Variants in C16orf89 observed in about 807,000 individuals in gnomAD.
C16orf89 encodes chromosome 16 open reading frame 89, also known as UPF0764 protein C16orf89.
In C16orf89, 57 loss-of-function variants were observed where a neutral mutation model predicts 41.5. The observed-to-expected ratio is 1.38, with a 90% CI of 1.11 to 1.71. The LOEUF is 1.71. C16orf89 is among the 40% of genes most tolerant of loss of function. The pLI, the probability that C16orf89 is intolerant of heterozygous loss-of-function variation, is 0.00. For missense variants in C16orf89, 575 were observed against 445.9 expected, an observed-to-expected ratio of 1.29 and a Z score of -2.61; for synonymous variants, 223 against 190.6, an observed-to-expected ratio of 1.17 and a Z score of -1.40.
intron 4 of C16orf89, 52 bp from the exon 5 acceptor site, chr16:5,056,240 C>T: frequency 6.6e-7 from 1 of 1,515,924 alleles, no homozygotes; most frequent in Non-Finnish European, 9.1e-7. Context: ...AGATGACAGA[C>T]ACACGCCCTG....
intron 3 of C16orf89, 179 bp downstream of exon 3, chr16:5,060,107 G>A: frequency 2.9e-6 from 2 of 694,550 alleles, no homozygotes; most frequent in Non-Finnish European, 4.3e-6. Flanking sequence ...GGCGGCTGGA[G>A]CAAGGGGGAC....
At position 5,044,611 on chromosome 16, in the gene C16orf89, G is replaced by T. The variant is rs777466700; in HGVS notation, c.956-133C>A. ...TAATCCCACACTTTGGGAGCCTGAG[G>T]TGGGCGGATCTCTTGAGATCAGGAG... On this transcript the variant is annotated intron_variant, in intron 7 of 7. Coordinates refer to ENST00000472572, the MANE Select transcript of C16orf89 (RefSeq NM_001098514.3). The T allele has an allele frequency of 2.0e-5, 30 of 1,488,996 alleles. No homozygotes were observed. The African/African-American group carries it at 3.2e-4, about 16-fold the overall frequency. 92.2% of individuals were successfully genotyped at this position (1,488,996 alleles called of 1,614,324 possible). A position where few individuals can be genotyped will look rare whatever the true frequency, so the allele number is the denominator to read the frequency against.
chr16:5,055,206 CA>C (rs1200046470), intron 6 of C16orf89, 39 bp downstream of exon 6: 1 of 1,511,180 alleles, frequency 6.6e-7, no homozygotes, highest in Non-Finnish European at 9.1e-7. Context: ...CCCCCACCCC[CA>C]CTGCCCCCCT....
intron 7 of C16orf89, among the ~76,000 whole-genome samples, chr16:5,045,520 G>A (rs368988570): frequency 1.3e-5 from 2 of 152,184 alleles, no homozygotes; most frequent in Non-Finnish European, 2.9e-5. Context: ...ACTTTGGGAA[G>A]GGGAGGGGAC....
intron 6 of C16orf89, 31 bp downstream of exon 6, chr16:5,055,215 C>T (rs1224512334): frequency 6.5e-7 from 1 of 1,545,076 alleles, no homozygotes; most frequent in Non-Finnish European, 8.9e-7. Flanking sequence ...CCACTGCCCC[C>T]CTTCTTAGCC....
At chr16:5,062,345 A>C in intron 2 of C16orf89, 80 bp downstream of exon 2, 1 of 1,468,708 alleles carries the variant, frequency 6.8e-7, no homozygotes, top group Non-Finnish European at 9.1e-7. Flanking sequence ...TTGCCCCAGG[A>C]GAGCCCACGC....
intron 1 of C16orf89, 43 bp downstream of exon 1, chr16:5,065,658 C>T (rs1339393615): frequency 4.5e-6 from 7 of 1,564,426 alleles, no homozygotes; most frequent in Non-Finnish European, 6.1e-6. Flanking sequence ...AAGCTGAGAG[C>T]TAGCTTCCCA....
At chr16:5,054,552 C>T (rs1956454274) in intron 6 of C16orf89, among the ~76,000 whole-genome samples, 1 of 152,188 alleles carries the variant, frequency 6.6e-6, no homozygotes, top group Non-Finnish European at 1.5e-5. Flanking sequence ...TTCTTTTCCT[C>T]AGGCCTCTAG....
At chr16:5,064,480 C>T (rs1311966705) in intron 1 of C16orf89, among the ~76,000 whole-genome samples, 1 of 152,226 alleles carries the variant, frequency 6.6e-6, no homozygotes, top group Non-Finnish European at 1.5e-5. Flanking sequence ...GTGTGATACT[C>T]CCATCCACCA....
chr16:5,052,904 G>C (rs991062944), intron 6 of C16orf89, among the ~76,000 whole-genome samples: 10 of 152,184 alleles, frequency 6.6e-5, no homozygotes, highest in African/African-American at 2.4e-4. Flanking sequence ...AATGGACAGA[G>C]AAAATGTGGT....
chr16:5,061,749 C>T (rs75798777), intron 2 of C16orf89, among the ~76,000 whole-genome samples: 2 of 152,082 alleles, frequency 1.3e-5, no homozygotes, highest in Non-Finnish European at 2.9e-5. Context: ...GAGCATGAAG[C>T]GTGGCCTGGC....
At position 5,054,924 on chromosome 16, in the gene C16orf89, C is replaced by G. The variant is rs139888020; in HGVS notation, c.868+322G>C. On this transcript the variant is annotated intron_variant, in intron 6 of 7. Coordinates refer to ENST00000472572, the MANE Select transcript of C16orf89 (RefSeq NM_001098514.3). Reference sequence around the variant, plus strand: ...GTGTGCAACTGTGAGTCCATTAAACCTCTTTTTCTTTATAAATCACCCAGT... The same window carrying G: ...GTGTGCAACTGTGAGTCCATTAAACGTCTTTTTCTTTATAAATCACCCAGT... Among the ~76,000 whole-genome samples, 967 of 152,266 alleles carry G rather than the reference C, an allele frequency of 6.4e-3. 11 individuals carry two copies. Among genetic ancestry groups the G allele is most frequent in the African/African-American group, 0.022 (922 of 41,536 alleles).
At chr16:5,052,069 ACC>A (rs1956406864) in intron 6 of C16orf89, among the ~76,000 whole-genome samples, 2 of 147,080 alleles carry the variant, frequency 1.4e-5, no homozygotes, top group African/African-American at 5.0e-5. Context: ...GCTACGGCAC[ACC>A]ATCCTGGGTG....
At chr16:5,056,636 G>A (rs1418394012) in intron 4 of C16orf89, among the ~76,000 whole-genome samples, 1 of 152,086 alleles carries the variant, frequency 6.6e-6, no homozygotes, top group Non-Finnish European at 1.5e-5. Context: ...TCAAAGTGTG[G>A]GCCAAGAACC....
At chr16:5,059,103 G>A (rs982450477) in intron 3 of C16orf89, among the ~76,000 whole-genome samples, 8 of 152,114 alleles carry the variant, frequency 5.3e-5, no homozygotes, top group Admixed American at 1.3e-4. Context: ...AGCTGGGTGT[G>A]GTGGCACGTG....
intron 6 of C16orf89, among the ~76,000 whole-genome samples, chr16:5,049,644 T>C (rs1243586054): frequency 6.6e-6 from 1 of 152,182 alleles, no homozygotes; most frequent in African/African-American, 2.4e-5. Context: ...TTTAAAAATT[T>C]CTTAACACAA....
intron 1 of C16orf89, among the ~76,000 whole-genome samples, chr16:5,063,935 T>A (rs761295391): frequency 4.6e-5 from 7 of 152,128 alleles, no homozygotes; most frequent in Non-Finnish European, 1.0e-4. Context: ...AAGACCAGCA[T>A]GGCCAACATG....
At position 5,058,594 on chromosome 16, in the gene C16orf89, G is replaced by A; in HGVS notation, c.526C>T (p.Pro176Ser). Reference sequence around the variant, plus strand: ...CTGCAGAGGTCTGAGAGGCCGCAGGGCTCGCTGCTGTCCGTCCTGGGGGAA... The same window carrying A: ...CTGCAGAGGTCTGAGAGGCCGCAGGACTCGCTGCTGTCCGTCCTGGGGGAA... ...LLGTGTDSSE[P>S]CGLSDLCRSL... Residue 176 changes from proline (P) to serine (S), a missense_variant, in exon 4 of 8, where the codon CCC becomes TCC. Coordinates refer to ENST00000472572, the MANE Select transcript of C16orf89 (RefSeq NM_001098514.3). 6.2e-7 allele frequency: 1 copy of A among 1,611,612 alleles called. No individual in the cohort carries two copies. The highest frequency in any genetic ancestry group is 1.3e-5 in the African/African-American group (1 of 75,004).
rs1956726018 is a variant in C16orf89, at chr16:5,065,689, G to A, written c.208+12C>T. ...TCCCAGTGTCCAGCCAGAGGAATTG[G>A]GGCTCACTCACCTTCCAGCACTCGG... On this transcript the variant is annotated intron_variant, in intron 1 of 7. Transcript: ENST00000472572. 1 of 1,606,798 alleles carries A rather than the reference G, an allele frequency of 6.2e-7. No homozygotes were observed. Among genetic ancestry groups the A allele is most frequent in the East Asian group, 2.2e-5 (1 of 44,804 alleles).
Sources: allele counts gnomAD v4.1 joint callset (sites outside exome capture counted in the v4.1 genomes callset), GRCh38; gene constraint gnomAD v4.1.1; transcripts MANE v1.5; gene names NCBI Gene and HGNC (gene_info 2026-07-23, HGNC 2026-07-21).